IL1RAPL2: variants seen among roughly 807,000 people sequenced by gnomAD.
The protein encoded by IL1RAPL2 is X-linked interleukin-1 receptor accessory protein-like 2.
In IL1RAPL2, 3 loss-of-function variants were observed where a neutral mutation model predicts 44.1. That is an observed-to-expected ratio of 0.07 (90% confidence interval 0.03 to 0.18). IL1RAPL2 has a LOEUF of 0.18. IL1RAPL2 is among the 10% of genes least tolerant of loss of function. IL1RAPL2 has a pLI of 1.00. For synonymous variants in IL1RAPL2, 181 were observed against 178.8 expected (o/e 1.01, Z -0.10); for missense variants, 391 against 496.4 (o/e 0.79, Z 2.02).
intron 2 of IL1RAPL2, among the ~76,000 whole-genome samples, chrX:104,717,881 T>G (rs773376632): frequency 9.1e-6 from 1 of 109,942 alleles, no homozygotes; most frequent in East Asian, 2.9e-4. Context: ...TTGCGATAGT[T>G]TGCTGCGAAT....
At chrX:104,940,387 G>A (rs1217621976) in intron 2 of IL1RAPL2, among the ~76,000 whole-genome samples, 4 of 111,626 alleles carry the variant, frequency 3.6e-5, no homozygotes, top group Non-Finnish European at 1.9e-5. Flanking sequence ...GGAGAAATAT[G>A]TAAAGGTATT....
intron 5 of IL1RAPL2, among the ~76,000 whole-genome samples, chrX:105,279,700 G>A (rs1041766313): frequency 1.8e-5 from 2 of 111,601 alleles, no homozygotes; most frequent in Non-Finnish European, 3.8e-5. Flanking sequence ...GGATGGTCTC[G>A]ATCTCTTGAC....
intron 2 of IL1RAPL2, among the ~76,000 whole-genome samples, chrX:104,811,675 A>G (rs1056993353): frequency 9.0e-6 from 1 of 111,192 alleles, no homozygotes; most frequent in African/African-American, 3.3e-5. Flanking sequence ...ATAGACTTTC[A>G]TCTAAGTCTG....
chrX:105,281,003 G>A (rs777881575), intron 5 of IL1RAPL2, among the ~76,000 whole-genome samples: 1 of 111,544 alleles, frequency 9.0e-6, no homozygotes, highest in East Asian at 2.8e-4. Flanking sequence ...CTTCACAATA[G>A]CAAATACTTG....
At chrX:105,188,945 G>A (rs1055500501) in intron 2 of IL1RAPL2, among the ~76,000 whole-genome samples, 10 of 111,922 alleles carry the variant, frequency 8.9e-5, no homozygotes, top group African/African-American at 3.3e-4. Context: ...GTAGCAACAG[G>A]GGCACAGGCC....
chrX:105,015,877 G>A (rs1208876045), intron 2 of IL1RAPL2, among the ~76,000 whole-genome samples: 1 of 111,500 alleles, frequency 9.0e-6, no homozygotes, highest in Non-Finnish European at 1.9e-5. Context: ...GATGGGGATA[G>A]CATTGAATCT....
At chrX:104,711,226 A>G (rs1206640098) in intron 2 of IL1RAPL2, among the ~76,000 whole-genome samples, 2 of 111,743 alleles carry the variant, frequency 1.8e-5, no homozygotes, top group Non-Finnish European at 3.8e-5. Flanking sequence ...GTAGTAGGCT[A>G]TAATCTAGGT....
chrX:105,466,456 A>C (rs2147768765), intron 5 of IL1RAPL2, among the ~76,000 whole-genome samples: 1 of 111,521 alleles, frequency 9.0e-6, no homozygotes, highest in East Asian at 2.9e-4. Flanking sequence ...GATTGGTTAT[A>C]GAATATTAAT....
At chrX:105,415,800 A>G (rs1481307578) in intron 5 of IL1RAPL2, among the ~76,000 whole-genome samples, 1 of 111,635 alleles carries the variant, frequency 9.0e-6, no homozygotes, top group African/African-American at 3.3e-5. Flanking sequence ...ATAAAAGAAC[A>G]AAATAAAAAA....
chrX:105,600,681 G>GAAT (rs67956117), intron 6 of IL1RAPL2, among the ~76,000 whole-genome samples: 35,393 of 106,418 alleles, frequency 0.33, 4,484 homozygotes, highest in Middle Eastern at 0.4. Flanking sequence ...TTTGATAATA[G>GAAT]AATATTTAAT....
At chrX:104,917,496 T>TG (rs773158729) in intron 2 of IL1RAPL2, among the ~76,000 whole-genome samples, 8 of 111,637 alleles carry the variant, frequency 7.2e-5, no homozygotes, top group Non-Finnish European at 1.5e-4. Context: ...AAAAAAACCT[T>TG]GGGGAAGCTC....
At chrX:105,465,967 T>C (rs1270921671) in intron 5 of IL1RAPL2, among the ~76,000 whole-genome samples, 2 of 111,707 alleles carry the variant, frequency 1.8e-5, no homozygotes, top group African/African-American at 6.5e-5. Context: ...TTGGCGGGCA[T>C]ACATTATCCC....
intron 4 of IL1RAPL2, among the ~76,000 whole-genome samples, chrX:105,237,615 A>G (rs978985059): frequency 1.8e-5 from 2 of 111,472 alleles, no homozygotes; most frequent in African/African-American, 6.5e-5. Context: ...GCATTTTTTC[A>G]TGTCTTTTGG....
intron 2 of IL1RAPL2, among the ~76,000 whole-genome samples, chrX:104,750,777 A>G (rs1444507995): frequency 1.8e-5 from 2 of 111,165 alleles, no homozygotes; most frequent in African/African-American, 3.3e-5. Flanking sequence ...TCTTGTGACA[A>G]CTTGCTATTG....
intron 3 of IL1RAPL2, among the ~76,000 whole-genome samples, chrX:105,221,409 AC>A (rs1443585777): frequency 9.2e-6 from 1 of 108,459 alleles, no homozygotes; most frequent in Non-Finnish European, 1.9e-5. Context: ...ATAAACAACA[AC>A]CAAAAAAAAA....
Position 104,712,664 on chromosome X carries a change from A to G in IL1RAPL2, c.82+53669A>G, listed in dbSNP as rs767139661. ...GACCAGTAATTTTTTTTCTCACTGAACGAACATTTAAAACATTAATATCCT... is the reference window on the plus strand; with the variant it reads ...GACCAGTAATTTTTTTTCTCACTGAGCGAACATTTAAAACATTAATATCCT... On this transcript the variant is annotated intron_variant, in intron 2 of 10. Coordinates refer to ENST00000372582, the MANE Select transcript of IL1RAPL2 (RefSeq NM_017416.2). Among the ~76,000 whole-genome samples, 173 of 110,908 alleles carry G rather than the reference A, an allele frequency of 1.6e-3. 1 individual carries two copies. The highest frequency in any genetic ancestry group is 3.6e-4 in the Non-Finnish European group (19 of 52,678).
chrX:105,182,020 T>C (rs1329945640), intron 2 of IL1RAPL2, among the ~76,000 whole-genome samples: 17 of 106,275 alleles, frequency 1.6e-4, no homozygotes, highest in Non-Finnish European at 1.2e-4. Flanking sequence ...TGAGCCAAGA[T>C]TGCGCCACTG....
At chrX:104,670,522 A>G (rs1602671535) in intron 2 of IL1RAPL2, among the ~76,000 whole-genome samples, 1 of 111,488 alleles carries the variant, frequency 9.0e-6, no homozygotes, top group East Asian at 2.9e-4. Context: ...TTTACCAGCC[A>G]TCTGGCGTCC....
chrX:104,822,696 T>C (rs1222988730), intron 2 of IL1RAPL2, among the ~76,000 whole-genome samples: 1 of 112,216 alleles, frequency 8.9e-6, no homozygotes, highest in Non-Finnish European at 1.9e-5. Flanking sequence ...GTGTTATGCC[T>C]CCAGCTTTGT....
Sources: allele counts gnomAD v4.1 joint callset (sites outside exome capture counted in the v4.1 genomes callset), GRCh38; gene constraint gnomAD v4.1.1; transcripts MANE v1.5; gene names NCBI Gene and HGNC (gene_info 2026-07-23, HGNC 2026-07-21).